The following BCAR1 variants were observed in gnomAD, a reference collection of about 807,000 sequenced individuals.
BCAR1 encodes the protein BCAR1 scaffold protein, Cas family member.
BCAR1 carries 30 observed loss-of-function variants against 67.6 expected under a neutral mutation model. The observed-to-expected ratio is 0.44, with a 90% confidence interval of 0.33 to 0.60. The LOEUF is 0.60. Ranked by LOEUF, BCAR1 falls within the 20% of genes least tolerant of loss-of-function variation. The probability of loss-of-function intolerance (pLI) is 0.02; values close to 1 mark genes in which losing one functional copy is unlikely to be tolerated. For synonymous variants in BCAR1, 626 were observed against 556.7 expected, an observed-to-expected ratio of 1.12 and a Z score of -1.75; for missense variants, 1,313 against 1,222.3, an observed-to-expected ratio of 1.07 and a Z score of -1.11.
intron 1 of BCAR1, chr16:75,264,765 G>A (rs2077968779): frequency 1.4e-6 from 1 of 740,578 alleles, no homozygotes; most frequent in Non-Finnish European, 1.8e-6. Flanking sequence ...CTGCTTCACG[G>A]AAAGGATGGG....
chr16:75,251,773 G>A, upstream of BCAR1: 3 of 716,454 alleles, frequency 4.2e-6, no homozygotes, highest in Non-Finnish European at 5.1e-6. Context: ...CGCCCAGTAG[G>A]GGCCGCCCCC....
At chr16:75,264,564 C>T in intron 1 of BCAR1, 1 of 1,368,042 alleles carries the variant, frequency 7.3e-7, no homozygotes, top group South Asian at 1.9e-5. Flanking sequence ...GATGGCGGGG[C>T]TCACATCAGC....
At chr16:75,262,059 T>G (rs1597287884) in intron 1 of BCAR1, among the ~76,000 whole-genome samples, 4 of 152,274 alleles carry the variant, frequency 2.6e-5, no homozygotes, top group Admixed American at 2.6e-4. Flanking sequence ...GTTCAGTAAC[T>G]CACTCAAGGC....
intron 1 of BCAR1, chr16:75,264,119 T>A: frequency 7.7e-7 from 1 of 1,295,560 alleles, no homozygotes. Context: ...TCTGTCCAAG[T>A]CCTACCCAGC....
intron 2 of BCAR1, among the ~76,000 whole-genome samples, chr16:75,239,402 G>C (rs1467985360): frequency 6.6e-6 from 1 of 152,076 alleles, no homozygotes; most frequent in Non-Finnish European, 1.5e-5. Flanking sequence ...GCAGCCCCAG[G>C]GCCAGGGTGC....
At chr16:75,238,569 C>G in intron 2 of BCAR1, 1 of 988,880 alleles carries the variant, frequency 1.0e-6, no homozygotes, top group South Asian at 4.6e-5. Flanking sequence ...CGCCAGCACC[C>G]CCCAGCAGCC....
chr16:75,240,113 C>A (rs77883154), intron 2 of BCAR1, among the ~76,000 whole-genome samples: 2 of 152,224 alleles, frequency 1.3e-5, no homozygotes, highest in African/African-American at 4.8e-5. Flanking sequence ...TTAGCAACCA[C>A]TGGACCCTGC....
chr16:75,241,233 G>A (rs2077328848), intron 2 of BCAR1, among the ~76,000 whole-genome samples: 1 of 152,202 alleles, frequency 6.6e-6, no homozygotes, highest in South Asian at 2.1e-4. Context: ...GCGCATGTGT[G>A]GGCGTATACG....
Position 75,235,313 on chromosome 16 carries a change from G to C in BCAR1, c.1586C>G (p.Ala529Gly), listed in dbSNP as rs2077069880. 2 of 1,603,682 alleles carry C rather than the reference G, an allele frequency of 1.2e-6. No homozygotes were observed. The highest frequency in any genetic ancestry group is 2.2e-5 in the East Asian group (1 of 44,600). Residue 529 changes from alanine to glycine, a missense_variant, in exon 5 of 7, where the codon GCT becomes GGT. By Grantham distance (60) the Ala-to-Gly change is moderately conservative (BLOSUM62 0). Transcript: ENST00000162330. Reference sequence around the variant, plus strand: ...CAGGGCACGGTCAGATGTGTGGGCAGCATTGCCCACCGCGCTGCGGGCAAA... The same window carrying C: ...CAGGGCACGGTCAGATGTGTGGGCACCATTGCCCACCGCGCTGCGGGCAAA... ...LEFARSAVGN[A>G]AHTSDRALHA...
chr16:75,262,071 C>G (rs1567626132), intron 1 of BCAR1, among the ~76,000 whole-genome samples: 1 of 152,202 alleles, frequency 6.6e-6, no homozygotes, highest in Non-Finnish European at 1.5e-5. Flanking sequence ...ACTCAAGGCA[C>G]AGAGCCAACA....
chr16:75,252,288 C>A, upstream of BCAR1: 2 of 1,536,700 alleles, frequency 1.3e-6, no homozygotes, highest in Middle Eastern at 1.7e-4. Context: ...TCCAGCTGAT[C>A]TGCCTCCTCT....
upstream of BCAR1, among the ~76,000 whole-genome samples, chr16:75,254,749 C>T (rs565142535): frequency 2.6e-5 from 4 of 152,316 alleles, no homozygotes; most frequent in African/African-American, 9.6e-5. Flanking sequence ...GGCCTGGCAC[C>T]TCCAGCCAGG....
intron 6 of BCAR1, among the ~76,000 whole-genome samples, chr16:75,230,694 C>A (rs2076872542): frequency 6.6e-6 from 1 of 152,176 alleles, no homozygotes; most frequent in South Asian, 2.1e-4. Context: ...ACCAGCCACA[C>A]CCAGACTCAG....
intron 1 of BCAR1, chr16:75,247,932 C>T (rs775226984): frequency 5.6e-5 from 43 of 772,416 alleles, no homozygotes; most frequent in Non-Finnish European, 8.3e-5. Flanking sequence ...AATAGTGCCA[C>T]ACTTGTCACT....
intron 1 of BCAR1, chr16:75,264,531 C>A (rs1434494251): frequency 1.4e-6 from 2 of 1,398,864 alleles, no homozygotes; most frequent in African/African-American, 1.4e-5. Flanking sequence ...GAAGACGAGA[C>A]GATTATGCTC....
chr16:75,237,986 G>A (rs1028463474), intron 2 of BCAR1: 135 of 1,257,792 alleles, frequency 1.1e-4, no homozygotes, highest in African/African-American at 1.2e-4. Flanking sequence ...CGCCTGCCCC[G>A]GGGGAGCTGC....
At chr16:75,266,011 C>G in intron 1 of BCAR1, 5 of 1,027,778 alleles carry the variant, frequency 4.9e-6, no homozygotes, top group Non-Finnish European at 5.8e-6. Context: ...CGCGCATGCG[C>G]CGCCCGCGCC....
chr16:75,248,688 C>A (rs1027422789), intron 1 of BCAR1: 1 of 159,398 alleles, frequency 6.3e-6, no homozygotes, highest in African/African-American at 2.4e-5. Context: ...GAGCAGACTA[C>A]ATAGCCTGTG....
chr16:75,251,028 C>G (rs1473764927), intron 1 of BCAR1: 1 of 968,924 alleles, frequency 1.0e-6, no homozygotes, highest in African/African-American at 1.8e-5. Flanking sequence ...TCCCCCGGAG[C>G]TCCTCCCTCT....
Sources: gnomAD v4.1 joint callset for allele counts (sites outside exome capture counted in the v4.1 genomes callset) on GRCh38, gnomAD v4.1.1 for gene constraint, MANE v1.5 for transcripts, NCBI Gene and HGNC (gene_info 2026-07-23, HGNC 2026-07-21) for gene names.